PLEKHA8: variants seen among roughly 807,000 people sequenced by gnomAD.
PLEKHA8 encodes the protein pleckstrin homology domain-containing family A member 8.
Under a neutral mutation model 68.2 loss-of-function variants are expected in PLEKHA8, and 36 were observed. The observed-to-expected ratio is 0.53, with a 90% confidence interval of 0.40 to 0.70. The LOEUF is 0.70. Among genes scored for constraint, PLEKHA8 ranks in the 30% least tolerant of loss-of-function variants. PLEKHA8 has a pLI of 0.00. For synonymous variants in PLEKHA8, 211 were observed against 216.1 expected (o/e 0.98, Z 0.20); for missense variants, 505 against 615.4 (o/e 0.82, Z 1.90).
chr7:30,035,826 T>G (rs1346865858), intron 1 of PLEKHA8, among the ~76,000 whole-genome samples: 3 of 151,824 alleles, frequency 2.0e-5, no homozygotes, highest in African/African-American at 7.3e-5. Context: ...TTTTGTATTT[T>G]TAGTAGAGAT....
intron 9 of PLEKHA8, among the ~76,000 whole-genome samples, chr7:30,059,209 C>G (rs1324367349): frequency 6.6e-6 from 1 of 152,214 alleles, no homozygotes; most frequent in East Asian, 1.9e-4. Flanking sequence ...AATGTTCTAT[C>G]TAGTTTTTAG....
chr7:30,059,288 AGT>A lies in PLEKHA8; in HGVS notation c.1040-1593_1040-1592del, dbSNP rs1333477922. Among the ~76,000 whole-genome samples, 10 of 152,332 alleles carry A rather than the reference AGT, an allele frequency of 6.6e-5. No individual in the cohort carries two copies. In the East Asian group the frequency reaches 1.9e-3, roughly 29 times the overall value. On this transcript the variant is annotated intron_variant, in intron 9 of 13. Coordinates refer to ENST00000449726, the MANE Select transcript of PLEKHA8 (RefSeq NM_001197026.2). ...TTTATTTTTTTATTCTGTTGTAAAA[AGT>A]GTTTTATTTCATTTTCCGATTATTA...
intron 13 of PLEKHA8, among the ~76,000 whole-genome samples, chr7:30,126,096 A>G (rs1440885775): frequency 3.3e-5 from 5 of 150,296 alleles, no homozygotes; most frequent in Admixed American, 1.3e-4. Flanking sequence ...TTTTTTTTTC[A>G]CTCTGAGGCT....
chr7:30,090,732 T>C, exon 13 of PLEKHA8: 1 of 672,046 alleles, frequency 1.5e-6, no homozygotes, highest in Non-Finnish European at 1.8e-6. Context: ...ATAAACAGAT[T>C]TCTAAAAAGA....
intron 9 of PLEKHA8, among the ~76,000 whole-genome samples, chr7:30,056,377 CAT>C (rs1426324825): frequency 3.5e-4 from 32 of 92,728 alleles, no homozygotes; most frequent in East Asian, 1.7e-3. Flanking sequence ...ATATAAATAA[CAT>C]ATATATAATA....
intron 13 of PLEKHA8, among the ~76,000 whole-genome samples, chr7:30,075,922 A>C (rs1326672620): frequency 6.6e-6 from 1 of 152,178 alleles, no homozygotes; most frequent in Non-Finnish European, 1.5e-5. Flanking sequence ...TAGACTCATA[A>C]AAAATTTTAG....
downstream of PLEKHA8, among the ~76,000 whole-genome samples, chr7:30,090,941 G>A (rs1198308141): frequency 2.0e-5 from 3 of 152,152 alleles, no homozygotes; most frequent in African/African-American, 4.8e-5. Flanking sequence ...CAGGAGGATC[G>A]CTTGAGCCAA....
At chr7:30,070,450 G>A (rs141044463) in intron 12 of PLEKHA8, among the ~76,000 whole-genome samples, 145 of 151,996 alleles carry the variant, frequency 9.5e-4, no homozygotes, top group African/African-American at 3.5e-3. Context: ...AGAGGGCATG[G>A]AAAAGAGTTT....
At chr7:30,058,915 C>G in intron 9 of PLEKHA8, among the ~76,000 whole-genome samples, 1 of 152,166 alleles carries the variant, frequency 6.6e-6, no homozygotes, top group Non-Finnish European at 1.5e-5. Context: ...TCGCTTGAAA[C>G]CAGGAGTTTG....
Position 30,036,605 on chromosome 7 carries a change from C to A in PLEKHA8, c.40+7803C>A, listed in dbSNP as rs149185952. Among the ~76,000 whole-genome samples the A allele has an allele frequency of 3.9e-3, 587 of 152,252 alleles. 3 individuals are homozygous for A. The highest frequency in any genetic ancestry group is 0.014 in the African/African-American group (569 of 41,526). On this transcript the variant is annotated intron_variant, in intron 1 of 13. Transcript: ENST00000449726. Reference sequence around the variant, plus strand: ...GGTAGGACATATGAGAAGCACTGTGCAGAACAAATAAATATTTAGTTTGGT... The same window carrying A: ...GGTAGGACATATGAGAAGCACTGTGAAGAACAAATAAATATTTAGTTTGGT...
chr7:30,085,916 A>T (rs1469176333), downstream of PLEKHA8, among the ~76,000 whole-genome samples: 1 of 152,204 alleles, frequency 6.6e-6, no homozygotes, highest in African/African-American at 2.4e-5. Flanking sequence ...GTAGCCAGGG[A>T]CACCAGCAAA....
At chr7:30,042,586 T>C (rs1791625289) in intron 1 of PLEKHA8, among the ~76,000 whole-genome samples, 1 of 152,150 alleles carries the variant, frequency 6.6e-6, no homozygotes, top group South Asian at 2.1e-4. Context: ...GAGCCAAGGT[T>C]TGGGAGCTTT....
intron 1 of PLEKHA8, among the ~76,000 whole-genome samples, chr7:30,034,594 A>T (rs571239135): frequency 6.6e-6 from 1 of 152,352 alleles, no homozygotes; most frequent in South Asian, 2.1e-4. Flanking sequence ...GGAAGAGAAA[A>T]TACATTTACT....
Position 30,078,948 on chromosome 7 carries a change from A to G in PLEKHA8, c.*161A>G. 4 of 1,423,010 alleles carry G rather than the reference A, an allele frequency of 2.8e-6. No homozygotes were observed. The highest frequency in any genetic ancestry group is 3.1e-5 in the South Asian group (2 of 63,582). The allele number at this position is 1,423,010 out of a possible 1,614,324, so 88.1% of individuals were successfully genotyped here. A position where few individuals can be genotyped will look rare whatever the true frequency, so the allele number is the denominator to read the frequency against. Reference sequence around the variant, plus strand: ...AGTGCTTTTATAATTTTTAAAATGCATATGTGTTTTGTTTAAAGATCAAGG... The same window carrying G: ...AGTGCTTTTATAATTTTTAAAATGCGTATGTGTTTTGTTTAAAGATCAAGG... On this transcript the variant is annotated 3_prime_UTR_variant, in exon 14 of 14. Coordinates refer to ENST00000449726, the MANE Select transcript of PLEKHA8 (RefSeq NM_001197026.2).
chr7:30,049,010 A>C (rs1339930234), intron 4 of PLEKHA8, among the ~76,000 whole-genome samples: 1 of 152,250 alleles, frequency 6.6e-6, no homozygotes, highest in Non-Finnish European at 1.5e-5. Flanking sequence ...TAAGGCTTTC[A>C]GCAGCTCCCT....
intron 1 of PLEKHA8, among the ~76,000 whole-genome samples, chr7:30,029,583 A>G (rs902537980): frequency 2.0e-5 from 3 of 152,342 alleles, no homozygotes; most frequent in Admixed American, 1.3e-4. Flanking sequence ...CATGTGTGCA[A>G]CTAGTATTTA....
intron 13 of PLEKHA8, among the ~76,000 whole-genome samples, chr7:30,114,446 T>G (rs1167017517): frequency 6.6e-6 from 1 of 152,246 alleles, no homozygotes; most frequent in African/African-American, 2.4e-5. Flanking sequence ...TTAGCTTCAG[T>G]TTCTGCGCTC....
rs1794897853 is a variant in PLEKHA8 at position 30,080,905 on chromosome 7, C to T, written c.*2118C>T. ...ATGTTTTAGGCATTGTACCATTTAG[C>T]GGGGATGATACCAGGTGGTTGTTAG... On this transcript the variant is annotated 3_prime_UTR_variant, in exon 14 of 14. Coordinates refer to ENST00000449726, the MANE Select transcript of PLEKHA8 (RefSeq NM_001197026.2). 13 of 985,268 alleles carry T rather than the reference C, an allele frequency of 1.3e-5. No homozygotes were observed. The highest frequency in any genetic ancestry group is 2.3e-4 in the East Asian group (2 of 8,810). The allele number at this position is 985,268 out of a possible 1,614,324, so 61.0% of individuals were successfully genotyped here.
chr7:30,110,808 T>A (rs1796247940), intron 13 of PLEKHA8, among the ~76,000 whole-genome samples: 1 of 152,232 alleles, frequency 6.6e-6, no homozygotes, highest in Non-Finnish European at 1.5e-5. Flanking sequence ...ATGTTGAGCA[T>A]CTTTTCATGT....
Sources: allele counts gnomAD v4.1 joint callset (sites outside exome capture counted in the v4.1 genomes callset), GRCh38; gene constraint gnomAD v4.1.1; transcripts MANE v1.5; gene names NCBI Gene and HGNC (gene_info 2026-07-23, HGNC 2026-07-21).